DEF6: variants seen among roughly 807,000 people sequenced by gnomAD.
The protein encoded by DEF6 is DEF6 guanine nucleotide exchange factor.
In DEF6, 32 loss-of-function variants were observed where a neutral mutation model predicts 80.5. The ratio of observed to expected loss-of-function variants is 0.40; its 90% CI spans 0.30 to 0.53. DEF6 has a LOEUF of 0.53. DEF6 is among the 20% of genes least tolerant of loss of function. The pLI, the probability that DEF6 is intolerant of heterozygous loss-of-function variation, is 0.57. For synonymous variants in DEF6, 300 were observed against 337.9 expected, an observed-to-expected ratio of 0.89 and a Z score of 1.23; for missense variants, 575 against 818.7, an observed-to-expected ratio of 0.70 and a Z score of 3.63.
In DEF6 at chr6:35,319,794, T is replaced by G; in HGVS notation, c.1383-25T>G. 1 of 1,605,904 alleles carries G rather than the reference T, an allele frequency of 6.2e-7. No homozygotes were observed. Among genetic ancestry groups the G allele is most frequent in the Non-Finnish European group, 8.5e-7 (1 of 1,176,148 alleles). ...TGCAAGGTGCCTTGGCACTAGAGGC[T>G]ACACAGTACACACTCACCCGGCAGA... On this transcript the variant is annotated intron_variant, in intron 8 of 10. Coordinates refer to ENST00000316637, the MANE Select transcript of DEF6 (RefSeq NM_022047.4). The surrounding 1 kb of genome is among the most constrained non-coding windows in gnomAD (Gnocchi z 4.5).
In DEF6 at chr6:35,319,982, C is replaced by T. The variant is rs2150389340; in HGVS notation, c.1546C>T (p.Arg516Trp). The T allele has an allele frequency of 1.3e-6, 2 of 1,563,564 alleles. No individual in the cohort carries two copies. Among genetic ancestry groups the T allele is most frequent in the Non-Finnish European group, 1.7e-6 (2 of 1,153,310 alleles). ...QQAQQQLEEV[R>W]QNRQRADEDV... is the part of the protein sequence containing the mutation. ...GGCCCAGCAGCAGCTGGAGGAGGTG[C>T]GGCAGAACCGGCAGAGGGCTGACGA... The change falls in exon 9 of 11, where the codon CGG becomes TGG. Residue 516 changes from arginine to tryptophan, a missense_variant. Transcript: ENST00000316637. This position sits in a 1 kb window ranked among gnomAD's most constrained non-coding sequence, Gnocchi z 4.5.
rs35395160 is a variant in DEF6, at chr6:35,312,406, C to T, written c.528C>T (p.Thr176=). 1.7e-3 allele frequency: 2,777 copies of T among 1,614,106 alleles called. 34 individuals carry two copies. In the African/African-American group the frequency reaches 0.032, roughly 18 times the overall value. The change falls in exon 4 of 11, where the codon ACC becomes ACT. Residue 176 remains threonine (T), a synonymous_variant. Transcript: ENST00000316637. This position sits in a 1 kb window ranked among gnomAD's most constrained non-coding sequence, Gnocchi z 6.6. ...AGGAGGCCCAGGTGGCCCAGACCAC[C>T]GGGGGGCTCAGCGTCTGGCAGTTCC... The part of the protein sequence containing the change: ...LAQEAQVAQT[T]GGLSVWQFLE...
chr6:35,312,465 G>C lies in DEF6; in HGVS notation c.587G>C (p.Gly196Ala). 2 of 1,614,182 alleles carry C rather than the reference G, an allele frequency of 1.2e-6. No homozygotes were observed. Among genetic ancestry groups the C allele is most frequent in the Non-Finnish European group, 8.5e-7 (1 of 1,180,040 alleles). The change falls in exon 4 of 11, where the codon GGC (glycine) becomes GCC (alanine). Residue 196 changes from glycine to alanine, a missense_variant. By Grantham distance (60) the Gly-to-Ala change is moderately conservative. Transcript: ENST00000316637. The surrounding 1 kb of genome is among the most constrained non-coding windows in gnomAD (Gnocchi z 6.6). ...ELFNSGRCLRGVGRDTLSMAI... is the reference protein window; with the variant it reads ...ELFNSGRCLRAVGRDTLSMAI... ...TTCAATTCGGGCCGCTGCCTGCGGG[G>C]CGTGGGCCGGGACACCCTCAGCATG... is the stretch of plus-strand genomic sequence containing the variant.
intron 1 of DEF6, among the ~76,000 whole-genome samples, chr6:35,307,308 AG>A (rs1245316554): frequency 2.0e-5 from 3 of 152,262 alleles, no homozygotes; most frequent in Non-Finnish European, 4.4e-5. Flanking sequence ...CTGAGGCAGG[AG>A]AATCACGTGA....
In DEF6 at chr6:35,319,118, T is replaced by C. The variant is rs1791556773; in HGVS notation, c.1216-406T>C. ...TGTAGTGTCCAGTAACTTTTTGTTGTAATAATTGTAGTTATAGTCACATCC... is the reference window on the plus strand; with the variant it reads ...TGTAGTGTCCAGTAACTTTTTGTTGCAATAATTGTAGTTATAGTCACATCC... On this transcript the variant is annotated intron_variant, in intron 7 of 10. Transcript: ENST00000316637. This position sits in a 1 kb window ranked among gnomAD's most constrained non-coding sequence, Gnocchi z 4.5. Among the ~76,000 whole-genome samples, 1 of 152,064 alleles carries C rather than the reference T, an allele frequency of 6.6e-6. No individual in the cohort carries two copies. Among genetic ancestry groups the C allele is most frequent in the Admixed American group, 6.5e-5 (1 of 15,268 alleles).
chr6:35,304,895 C>T (rs1222735345), intron 1 of DEF6, among the ~76,000 whole-genome samples: 3 of 151,382 alleles, frequency 2.0e-5, no homozygotes, highest in African/African-American at 4.9e-5. Context: ...AAATTTTATC[C>T]TAAAGACAAT....
chr6:35,320,302 T>A (rs1483997440), intron 9 of DEF6, among the ~76,000 whole-genome samples: 1 of 152,140 alleles, frequency 6.6e-6, no homozygotes, highest in Non-Finnish European at 1.5e-5. Flanking sequence ...TGGGGAAAAA[T>A]TTTTCCTTCT....
rs1341832904 is a variant in DEF6 at position 35,319,485 on chromosome 6, T to G, written c.1216-39T>G. On this transcript the variant is annotated intron_variant, in intron 7 of 10. Coordinates refer to ENST00000316637, the MANE Select transcript of DEF6 (RefSeq NM_022047.4). This position sits in a 1 kb window ranked among gnomAD's most constrained non-coding sequence, Gnocchi z 4.5. ...CCTCCTCCGCCCCCACGTGCCCCTT[T>G]TGACCTGGCTCTTGGTCCACCACCT... 1 of 1,555,238 alleles carries G rather than the reference T, an allele frequency of 6.4e-7. No individual in the cohort carries two copies. Among genetic ancestry groups the G allele is most frequent in the Non-Finnish European group, 8.7e-7 (1 of 1,144,428 alleles).
At chr6:35,305,578 A>G (rs970358683) in intron 1 of DEF6, among the ~76,000 whole-genome samples, 3 of 150,774 alleles carry the variant, frequency 2.0e-5, no homozygotes, top group Admixed American at 1.3e-4. Flanking sequence ...GTGTGTGTGT[A>G]TGTGTGTGTG....
At chr6:35,305,425 AGCT>A (rs1198150170) in intron 1 of DEF6, among the ~76,000 whole-genome samples, 3 of 152,104 alleles carry the variant, frequency 2.0e-5, no homozygotes, top group Non-Finnish European at 4.4e-5. Flanking sequence ...GGGAGGCGGA[AGCT>A]GCAGTGAGCA....
At chr6:35,307,249 AT>A (rs1791405150) in intron 1 of DEF6, among the ~76,000 whole-genome samples, 1 of 152,254 alleles carries the variant, frequency 6.6e-6, no homozygotes, top group South Asian at 2.1e-4. Flanking sequence ...AAATACAAAA[AT>A]TAGCCGAGCA....
At position 35,310,663 on chromosome 6, in the gene DEF6, C is replaced by A; in HGVS notation, c.423+19C>A. On this transcript the variant is annotated intron_variant, in intron 3 of 10. Coordinates refer to ENST00000316637, the MANE Select transcript of DEF6 (RefSeq NM_022047.4). ...TGATGAGGTGAGGGTGATGGCAGCC[C>A]CAGGGACTGAATCACTTGGGACCAG... The A allele has an allele frequency of 6.2e-7, 1 of 1,613,968 alleles. No homozygotes were observed. Among genetic ancestry groups the A allele is most frequent in the East Asian group, 2.2e-5 (1 of 44,880 alleles).
At chr6:35,300,998 T>G (rs1472261844) in intron 1 of DEF6, among the ~76,000 whole-genome samples, 1 of 151,916 alleles carries the variant, frequency 6.6e-6, no homozygotes, top group African/African-American at 2.4e-5. Flanking sequence ...GATCTTTGGG[T>G]GGCACCAGGC....
rs375891873 is a variant in DEF6, at chr6:35,318,581, G to A, written c.1215+110G>A. 7.5e-6 allele frequency: 8 copies of A among 1,066,592 alleles called. No individual in the cohort carries two copies. In the East Asian group the frequency reaches 2.4e-4, roughly 32 times the overall value. The allele number at this position is 1,066,592 out of a possible 1,614,324, so 66.1% of individuals were successfully genotyped here. A position where few individuals can be genotyped will look rare whatever the true frequency, so the allele number is the denominator to read the frequency against. ...AGAGGGCGGAGCTCCTGGGTTGAGG[G>A]GCGTGCACTGGGGTGGAGCTTGAAA... On this transcript the variant is annotated intron_variant, in intron 7 of 10. Coordinates refer to ENST00000316637, the MANE Select transcript of DEF6 (RefSeq NM_022047.4). This position sits in a 1 kb window ranked among gnomAD's most constrained non-coding sequence, Gnocchi z 5.1.
chr6:35,312,853 A>T lies in DEF6; in HGVS notation c.807+81A>T. 12 of 1,471,162 alleles carry T rather than the reference A, an allele frequency of 8.2e-6. No homozygotes were observed. Among genetic ancestry groups the T allele is most frequent in the Non-Finnish European group, 1.1e-5 (12 of 1,084,146 alleles). The allele number at this position is 1,471,162 out of a possible 1,614,324, so 91.1% of individuals were successfully genotyped here. On this transcript the variant is annotated intron_variant, in intron 5 of 10. Transcript: ENST00000316637. This position sits in a 1 kb window ranked among gnomAD's most constrained non-coding sequence, Gnocchi z 6.6. ...CATGAGAAGACAAGGGGGTCAGGAG[A>T]GGGGCAAATGGAGAAAAGCCACAGT...
At position 35,312,429 on chromosome 6, in the gene DEF6, T is replaced by G. The variant is rs748995204; in HGVS notation, c.551T>G (p.Phe184Cys). Residue 184 changes from phenylalanine (F) to cysteine (C), a missense_variant, in exon 4 of 11, where the codon TTC (phenylalanine) becomes TGC (cysteine). Phe to Cys is a radical substitution (Grantham distance 205). Transcript: ENST00000316637. The surrounding 1 kb of genome is among the most constrained non-coding windows in gnomAD (Gnocchi z 6.6). ...ACCGGGGGGCTCAGCGTCTGGCAGT[T>G]CCTGGAGCTCTTCAATTCGGGCCGC... Reference protein sequence around the residue: ...QTTGGLSVWQFLELFNSGRCL... With the variant: ...QTTGGLSVWQCLELFNSGRCL... The G allele has an allele frequency of 6.2e-7, 1 of 1,614,116 alleles. No homozygotes were observed. Among genetic ancestry groups the G allele is most frequent in the African/African-American group, 1.3e-5 (1 of 75,048 alleles).
intron 1 of DEF6, among the ~76,000 whole-genome samples, chr6:35,298,454 G>C (rs9380500): frequency 0.77 from 117,537 of 152,130 alleles, 46,016 homozygotes; most frequent in Non-Finnish European, 0.83. Context: ...AACCCTGCCC[G>C]CCAGGTGGGA....
rs565693045 is a variant in DEF6, at chr6:35,318,018, G to T, written c.916+19G>T. On this transcript the variant is annotated intron_variant, in intron 6 of 10. Coordinates refer to ENST00000316637, the MANE Select transcript of DEF6 (RefSeq NM_022047.4). This position sits in a 1 kb window ranked among gnomAD's most constrained non-coding sequence, Gnocchi z 5.1. ...ACAGCTGGTGAGTGCTCGCTAGGTG[G>T]CTTGGGTCTGGGTGGTCCTTAGGCG... 4 of 1,606,094 alleles carry T rather than the reference G, an allele frequency of 2.5e-6. No individual in the cohort carries two copies. The Admixed American group carries it at 6.8e-5, about 27-fold the overall frequency.
At chr6:35,306,640 T>G (rs1196375609) in intron 1 of DEF6, among the ~76,000 whole-genome samples, 1 of 152,264 alleles carries the variant, frequency 6.6e-6, no homozygotes, top group African/African-American at 2.4e-5. Context: ...TTTCTGACAC[T>G]TGATTGTTTT....
Sources: allele counts gnomAD v4.1 joint callset (sites outside exome capture counted in the v4.1 genomes callset), GRCh38; gene constraint gnomAD v4.1.1; non-coding constraint Gnocchi (gnomAD v3.1); transcripts MANE v1.5; gene names NCBI Gene and HGNC (gene_info 2026-07-23, HGNC 2026-07-21).